The following CYTH3 variants were observed in gnomAD, a reference collection of about 807,000 sequenced individuals.
The protein encoded by CYTH3 is cytohesin-3.
CYTH3 carries 23 observed loss-of-function variants against 55.1 expected under a neutral mutation model. That is an observed-to-expected ratio of 0.42 (90% CI 0.30 to 0.59). The LOEUF (loss-of-function observed/expected upper bound fraction) is 0.59. CYTH3 is among the 20% of genes least tolerant of loss of function. CYTH3 has a pLI of 0.20. For missense variants in CYTH3, 413 were observed against 524.8 expected (o/e 0.79, Z 2.08); for synonymous variants, 249 against 194.9 (o/e 1.28, Z -2.31).
rs1322791304 is a variant in CYTH3, at chr7:6,214,833, T to C, written c.35-24302A>G. Among the ~76,000 whole-genome samples the C allele has an allele frequency of 2.6e-5, 4 of 152,188 alleles. No individual in the cohort carries two copies. In the East Asian group the frequency reaches 5.8e-4, roughly 22 times the overall value. ...TGATAAAAACTGATGCCAAAGCGAA[T>C]ATTCGCTCTGTGAAAGGCTGTGGCT... On this transcript the variant is annotated intron_variant, in intron 1 of 12. Transcript: ENST00000350796.
At chr7:6,186,040 C>G (rs574541937) in intron 4 of CYTH3, among the ~76,000 whole-genome samples, 171 of 151,862 alleles carry the variant, frequency 1.1e-3, no homozygotes, top group Non-Finnish European at 1.9e-3. Flanking sequence ...GTCAGGAGAT[C>G]AAGACCATCC....
At chr7:6,259,762 TATATATATATTATATATATATA>T (rs1427161230) in intron 1 of CYTH3, among the ~76,000 whole-genome samples, 268 of 25,566 alleles carry the variant, frequency 0.01, 7 homozygotes, top group Middle Eastern at 0.025. Context: ...ATATATTATA[TATATATATATTATATATATATA>T]ATATATATAT....
chr7:6,245,509 C>A (rs1350267327), intron 1 of CYTH3, among the ~76,000 whole-genome samples: 2 of 152,140 alleles, frequency 1.3e-5, no homozygotes, highest in East Asian at 3.9e-4. Flanking sequence ...GAGAATGTGT[C>A]CAGCGGGAGC....
At chr7:6,173,007 T>C in intron 6 of CYTH3, 1 of 1,084,438 alleles carries the variant, frequency 9.2e-7, no homozygotes, top group Non-Finnish European at 1.1e-6. Context: ...ATTTTCTTAG[T>C]CCAAGGGCCG....
chr7:6,243,331 C>A (rs1779721485), intron 1 of CYTH3, among the ~76,000 whole-genome samples: 1 of 152,222 alleles, frequency 6.6e-6, no homozygotes, highest in Non-Finnish European at 1.5e-5. Flanking sequence ...CCAGGTCTGG[C>A]TCTACCACCT....
intron 1 of CYTH3, among the ~76,000 whole-genome samples, chr7:6,220,840 C>CA (rs1784534449): frequency 6.6e-6 from 1 of 151,928 alleles, no homozygotes. Flanking sequence ...TACTAAAATA[C>CA]AAAAAATTAG....
chr7:6,251,656 C>A (rs1779975051), intron 1 of CYTH3, among the ~76,000 whole-genome samples: 1 of 152,156 alleles, frequency 6.6e-6, no homozygotes, highest in Non-Finnish European at 1.5e-5. Flanking sequence ...AGCCTTAAGA[C>A]ACTGAACAAC....
chr7:6,190,097 T>C (rs766428849), intron 2 of CYTH3, among the ~76,000 whole-genome samples: 1 of 152,250 alleles, frequency 6.6e-6, no homozygotes, highest in South Asian at 2.1e-4. Flanking sequence ...AGGGTCTCAG[T>C]GCACAATTTG....
intron 1 of CYTH3, among the ~76,000 whole-genome samples, chr7:6,196,821 C>T (rs541424198): frequency 6.6e-6 from 1 of 152,306 alleles, no homozygotes; most frequent in South Asian, 2.1e-4. Flanking sequence ...TGACACTATC[C>T]TGTTACTAAA....
chr7:6,200,426 G>A (rs1784032575), intron 1 of CYTH3, among the ~76,000 whole-genome samples: 1 of 152,212 alleles, frequency 6.6e-6, no homozygotes. Flanking sequence ...GTCACTGTAA[G>A]TCAAATGTGA....
rs574921434 is a variant in CYTH3, at chr7:6,169,710, T to C, written c.823+825A>G. Among the ~76,000 whole-genome samples, 5 of 152,198 alleles carry C rather than the reference T, an allele frequency of 3.3e-5. No homozygotes were observed. The South Asian group carries it at 1.0e-3, about 32-fold the overall frequency. On this transcript the variant is annotated intron_variant, in intron 9 of 12. Coordinates refer to ENST00000350796, the MANE Select transcript of CYTH3 (RefSeq NM_004227.4). This position sits in a 1 kb window ranked among gnomAD's most constrained non-coding sequence, Gnocchi z 4.1. ...TAAAACTGCCCGTAATTGCCCTAAA[T>C]TGCTCCAAAGGCCTTTAGAGCACTC...
intron 1 of CYTH3, among the ~76,000 whole-genome samples, chr7:6,203,730 T>A (rs1357235280): frequency 6.6e-6 from 1 of 152,124 alleles, no homozygotes; most frequent in Non-Finnish European, 1.5e-5. Flanking sequence ...CACCTTTTTT[T>A]TTTTTGGAGA....
intron 1 of CYTH3, among the ~76,000 whole-genome samples, chr7:6,243,460 G>A (rs981772275): frequency 5.9e-5 from 9 of 152,204 alleles, no homozygotes; most frequent in African/African-American, 2.2e-4. Context: ...GTGAAGTTAA[G>A]CACACTTGAA....
chr7:6,237,315 A>C (rs1196934534), intron 1 of CYTH3, among the ~76,000 whole-genome samples: 2 of 152,344 alleles, frequency 1.3e-5, no homozygotes, highest in South Asian at 4.1e-4. Flanking sequence ...GACAGCTCAC[A>C]TCCCACTGAT....
At chr7:6,243,962 C>T (rs981075333) in intron 1 of CYTH3, among the ~76,000 whole-genome samples, 2 of 152,198 alleles carry the variant, frequency 1.3e-5, no homozygotes, top group African/African-American at 4.8e-5. Context: ...ATATACTTGA[C>T]TGTTCAAAGT....
intron 1 of CYTH3, among the ~76,000 whole-genome samples, chr7:6,239,682 A>G (rs2128555154): frequency 6.6e-6 from 1 of 152,380 alleles, no homozygotes; most frequent in South Asian, 2.1e-4. Context: ...AATGAGATAT[A>G]AAATTAATAT....
At chr7:6,185,414 G>A (rs56743374) in intron 4 of CYTH3, among the ~76,000 whole-genome samples, 1,815 of 151,304 alleles carry the variant, frequency 0.012, 53 homozygotes, top group African/African-American at 0.042. Flanking sequence ...GGTGAAACTG[G>A]GCCGGGTGCA....
chr7:6,185,467 T>G (rs1025948782), intron 4 of CYTH3, among the ~76,000 whole-genome samples: 3 of 151,614 alleles, frequency 2.0e-5, no homozygotes, highest in African/African-American at 7.3e-5. Context: ...GAGGCCAAGG[T>G]GGGCAGATCA....
chr7:6,171,675 C>T lies in CYTH3; in HGVS notation c.450-361G>A. 1 of 264,210 alleles carries T rather than the reference C, an allele frequency of 3.8e-6. No homozygotes were observed. Among genetic ancestry groups the T allele is most frequent in the Non-Finnish European group, 7.7e-6 (1 of 130,516 alleles). 16.4% of individuals were successfully genotyped at this position (264,210 alleles called of 1,614,324 possible). On this transcript the variant is annotated intron_variant, in intron 6 of 12. Transcript: ENST00000350796. This position sits in a 1 kb window ranked among gnomAD's most constrained non-coding sequence, Gnocchi z 6.7. ...CAGAGCCCTGCCTGTCCCGAGCTGC[C>T]ACCAGCCGGTCCTCCTTTCAGAACT...
Sources: gnomAD v4.1 joint callset for allele counts (sites outside exome capture counted in the v4.1 genomes callset) on GRCh38, gnomAD v4.1.1 for gene constraint, Gnocchi (gnomAD v3.1) non-coding constraint, MANE v1.5 for transcripts, NCBI Gene and HGNC (gene_info 2026-07-23, HGNC 2026-07-21) for gene names.